YBEY: variants seen among roughly 807,000 people sequenced by gnomAD.
YBEY encodes ybeY metalloendoribonuclease, also known as endoribonuclease YbeY.
In YBEY, 15 loss-of-function variants were observed where a neutral mutation model predicts 13.5. The ratio of observed to expected loss-of-function variants is 1.11; its 90% confidence interval spans 0.75 to 1.72. The LOEUF (loss-of-function observed/expected upper bound fraction) is 1.72, where lower values mean the gene tolerates loss of function less well. Ranked by LOEUF, YBEY falls within the 40% of genes most tolerant of loss-of-function variation. YBEY has a pLI of 0.00. For missense variants in YBEY, 244 were observed against 208.4 expected (o/e 1.17, Z -1.05); for synonymous variants, 101 against 83.1 (o/e 1.21, Z -1.17).
intron 3 of YBEY, among the ~76,000 whole-genome samples, chr21:46,295,382 T>C (rs12626184): frequency 0.61 from 92,824 of 151,580 alleles, 29,720 homozygotes; most frequent in Non-Finnish European, 0.71. Context: ...GACCTCCCTC[T>C]TCCCTCCACC....
chr21:46,297,842 C>T (rs1210321557), downstream of YBEY: 1 of 1,145,198 alleles, frequency 8.7e-7, no homozygotes, highest in Non-Finnish European at 1.1e-6. Context: ...ACGCGTGGCC[C>T]CCGCCCGGGA....
the YBEY span, among the ~76,000 whole-genome samples, chr21:46,308,350 G>C: frequency 6.6e-6 from 1 of 151,740 alleles, no homozygotes; most frequent in East Asian, 2.0e-4. Context: ...AATCCCAGCT[G>C]CTCGGGAGGC....
chr21:46,305,798 C>T, the YBEY span, among the ~76,000 whole-genome samples: 45 of 151,922 alleles, frequency 3.0e-4, no homozygotes, highest in African/African-American at 9.7e-4. Context: ...AAAAATTAGC[C>T]GGGCCTGGTG....
chr21:46,304,027 T>G, the YBEY span, among the ~76,000 whole-genome samples: 2 of 108,898 alleles, frequency 1.8e-5, no homozygotes, highest in South Asian at 3.5e-4. Flanking sequence ...CTGGTTTTTT[T>G]TTTTTTTTTT....
chr21:46,308,995 T>C, the YBEY span, among the ~76,000 whole-genome samples: 1 of 152,170 alleles, frequency 6.6e-6, no homozygotes, highest in Non-Finnish European at 1.5e-5. Flanking sequence ...TCTCTATAAC[T>C]GTAAGAAATG....
At chr21:46,289,612 ATT>A (rs983006869) in intron 2 of YBEY, among the ~76,000 whole-genome samples, 1 of 142,960 alleles carries the variant, frequency 7.0e-6, no homozygotes, top group African/African-American at 2.6e-5. Flanking sequence ...CATCTGGCTA[ATT>A]TTTTTTTTTT....
At chr21:46,297,423 C>A in intron 4 of YBEY, 116 bp from the exon 5 acceptor site, 5 of 1,023,720 alleles carry the variant, frequency 4.9e-6, no homozygotes, top group Non-Finnish European at 6.4e-6. Flanking sequence ...GCTAGAGCCG[C>A]GCGGGCGGCC....
intron 3 of YBEY, among the ~76,000 whole-genome samples, chr21:46,294,599 CGTGCCCGGG>C (rs1569102089): frequency 0.16 from 17,502 of 108,550 alleles, 2,950 homozygotes; most frequent in South Asian, 0.22. Context: ...TAGCCTGACC[CGTGCCCGGG>C]ACTCAGTGGG....
chr21:46,301,620 C>A (rs2082110973), downstream of YBEY: 1 of 1,035,400 alleles, frequency 9.7e-7, no homozygotes, highest in Non-Finnish European at 1.2e-6. Flanking sequence ...TGGATGAAAT[C>A]TTTATTTCAT....
downstream of YBEY, chr21:46,297,897 C>A: frequency 1.4e-6 from 1 of 725,982 alleles, no homozygotes; most frequent in Non-Finnish European, 1.9e-6. Context: ...GGGTCCCTGC[C>A]CGGAGCCTGC....
the YBEY span, among the ~76,000 whole-genome samples, chr21:46,305,327 C>CTTTT: frequency 8.2e-5 from 9 of 109,154 alleles, no homozygotes; most frequent in Non-Finnish European, 1.1e-4. Flanking sequence ...ACAAATTAAT[C>CTTTT]TTTTTTTTTT....
chr21:46,297,895 G>T (rs369880700), downstream of YBEY: 636 of 753,178 alleles, frequency 8.4e-4, 5 homozygotes, highest in African/African-American at 0.011. Context: ...GGGGGTCCCT[G>T]CCCGGAGCCT....
At chr21:46,303,745 ATTTTTTTTT>A in the YBEY span, among the ~76,000 whole-genome samples, 309 of 23,714 alleles carry the variant, frequency 0.013, 1 homozygote, top group African/African-American at 0.045. Context: ...ATATATATAT[ATTTTTTTTT>A]TTTTTTTTTT....
the YBEY span, among the ~76,000 whole-genome samples, chr21:46,303,741 ATATATTTTTTTTT>A: frequency 7.4e-4 from 18 of 24,260 alleles, no homozygotes; most frequent in African/African-American, 2.8e-3. Flanking sequence ...ATATATATAT[ATATATTTTTTTTT>A]TTTTTTTTTT....
chr21:46,298,207 T>A (rs117949261), downstream of YBEY, among the ~76,000 whole-genome samples: 1,226 of 151,564 alleles, frequency 8.1e-3, 7 homozygotes, highest in Non-Finnish European at 0.013. Flanking sequence ...TCTGCTCATC[T>A]GTTTGTCCTG....
the YBEY span, among the ~76,000 whole-genome samples, chr21:46,302,800 A>G: frequency 2.6e-5 from 1 of 38,758 alleles, no homozygotes; most frequent in Non-Finnish European, 5.0e-5. Flanking sequence ...CCGTCTGCAC[A>G]CGGTGCGGGT....
At chr21:46,297,126 C>T (rs1260751268) in intron 4 of YBEY, among the ~76,000 whole-genome samples, 4 of 151,990 alleles carry the variant, frequency 2.6e-5, no homozygotes, top group Non-Finnish European at 1.5e-5. Context: ...TGGTGAAACC[C>T]GGTCTCTACT....
intron 3 of YBEY, chr21:46,291,978 C>A: frequency 2.2e-6 from 1 of 457,402 alleles, no homozygotes; most frequent in Non-Finnish European, 2.9e-6. Context: ...TCCCAGAGAA[C>A]TCAGAGGCTA....
In YBEY at chr21:46,287,836, C is replaced by T. The variant is rs2081523335; in HGVS notation, c.210+713C>T. Among the ~76,000 whole-genome samples, 3 of 144,386 alleles carry T rather than the reference C, an allele frequency of 2.1e-5. No homozygotes were observed. The Admixed American group carries it at 2.1e-4, about 10-fold the overall frequency. The allele number at this position is 144,386 out of a possible 152,430, so 94.7% of individuals were successfully genotyped here. ...TGAAACCCTGCCTCTACTAAAAACA[C>T]AAAGAATTAGCTGGGTGTGGTTGTG... On this transcript the variant is annotated intron_variant, in intron 2 of 4. Transcript: ENST00000397701.
Sources: allele counts gnomAD v4.1 joint callset (sites outside exome capture counted in the v4.1 genomes callset), GRCh38; gene constraint gnomAD v4.1.1; transcripts MANE v1.5; gene names NCBI Gene and HGNC (gene_info 2026-07-23, HGNC 2026-07-21).